The following JAG2 variants were observed in gnomAD, a reference collection of about 807,000 sequenced individuals.
JAG2 encodes the protein jagged canonical Notch ligand 2.
JAG2 carries 46 observed loss-of-function variants against 141.7 expected under a neutral mutation model. The observed-to-expected ratio is 0.32, with a 90% CI of 0.26 to 0.42. JAG2 has a LOEUF of 0.42. Ranked by LOEUF, JAG2 falls within the 10% of genes least tolerant of loss-of-function variation. The pLI, the probability that JAG2 is intolerant of heterozygous loss-of-function variation, is 1.00. For synonymous variants in JAG2, 862 were observed against 763.5 expected, an observed-to-expected ratio of 1.13 and a Z score of -2.13; for missense variants, 1,500 against 1,817.5, an observed-to-expected ratio of 0.83 and a Z score of 3.18.
rs1234767063 is a variant in JAG2 at position 105,149,285 on chromosome 14, C to A, written c.1638G>T (p.Arg546=). The A allele has an allele frequency of 1.2e-6, 2 of 1,612,716 alleles. No individual in the cohort carries two copies. Among genetic ancestry groups the A allele is most frequent in the East Asian group, 4.5e-5 (2 of 44,874 alleles). The stretch of plus-strand genomic sequence containing the variant: ...CCAGGTTATAGCAGCGAGCGCCGTT[C>A]CGGCAGGGGCTTGGCTCACAAAGGT... ...DVDLCEPSPC[R]NGARCYNLEG... Residue 546 remains arginine, a synonymous_variant, in exon 13 of 26, where the codon CGG becomes CGT. Coordinates refer to ENST00000331782, the MANE Select transcript of JAG2 (RefSeq NM_002226.5).
At chr14:105,145,083 G>T in intron 23 of JAG2, 22 bp from the exon 24 acceptor site, 1 of 1,608,700 alleles carries the variant, frequency 6.2e-7, no homozygotes, top group Non-Finnish European at 8.5e-7. Context: ...CAGGCAGTGC[G>T]TGGGCAGGGC....
rs752922211 is a variant in JAG2 at position 105,142,446 on chromosome 14, C to A, written c.*249G>T. 1.6e-4 allele frequency: 81 copies of A among 512,490 alleles called. 1 individual carries two copies. The highest frequency in any genetic ancestry group is 2.2e-4 in the Non-Finnish European group (64 of 287,252). The allele number at this position is 512,490 out of a possible 1,614,324, so 31.7% of individuals were successfully genotyped here. A position where few individuals can be genotyped will look rare whatever the true frequency, so the allele number is the denominator to read the frequency against. On this transcript the variant is annotated 3_prime_UTR_variant, in exon 26 of 26. Transcript: ENST00000331782. The stretch of plus-strand genomic sequence containing the variant: ...CCCTTTGCTCTCTCCTTTCATACAG[C>A]GAGTGCCACGCACGGAAACTTTACA...
chr14:105,160,817 C>T (rs1231176089), intron 2 of JAG2, among the ~76,000 whole-genome samples: 6 of 150,746 alleles, frequency 4.0e-5, no homozygotes, highest in African/African-American at 1.2e-4. Flanking sequence ...GAGCCGAGAT[C>T]GCACCATTGC....
intron 2 of JAG2, among the ~76,000 whole-genome samples, chr14:105,163,757 G>A (rs1427087974): frequency 6.6e-6 from 1 of 151,402 alleles, no homozygotes; most frequent in Non-Finnish European, 1.5e-5. Context: ...CCTGGGACCT[G>A]GGGACAGGGA....
chr14:105,156,148 A>G (rs1888576840), intron 3 of JAG2, among the ~76,000 whole-genome samples, 159 bp from the exon 4 acceptor site: 1 of 152,134 alleles, frequency 6.6e-6, no homozygotes, highest in African/African-American at 2.4e-5. Flanking sequence ...AGGCTGCTAC[A>G]GAAAGCTCAG....
intron 2 of JAG2, among the ~76,000 whole-genome samples, chr14:105,164,795 C>T (rs1367465245): frequency 6.6e-6 from 1 of 152,182 alleles, no homozygotes; most frequent in Non-Finnish European, 1.5e-5. Context: ...GGGAGTCCAG[C>T]AGCCCCATCT....
rs1457790153 is a variant in JAG2, at chr14:105,148,200, T to C, written c.2164A>G (p.Ser722Gly). ...REFQCDAYTC[S>G]NGGTCYDSGD... ...CTGTCGTAGCAGGTGCCACCGTTGC[T>C]GCAGGTGTAGGCATCGCACTGGAAC... is the stretch of plus-strand genomic sequence containing the variant. Residue 722 changes from serine to glycine, a missense_variant, in exon 17 of 26, where the codon AGC becomes GGC. This residue lies in a region of JAG2 where 875 missense variants were observed against 1,202.2 expected (regional missense o/e 0.73). Coordinates refer to ENST00000331782, the MANE Select transcript of JAG2 (RefSeq NM_002226.5). 2.6e-6 allele frequency: 4 copies of C among 1,555,534 alleles called. No homozygotes were observed. In the Admixed American group the frequency reaches 7.8e-5, roughly 30 times the overall value.
At position 105,167,345 on chromosome 14, in the gene JAG2, G is replaced by A. The variant is rs189743856; in HGVS notation, c.417+412C>T. 6.6e-5 allele frequency among the ~76,000 whole-genome samples: 10 copies of A among 152,172 alleles called. No individual in the cohort carries two copies. The highest frequency in any genetic ancestry group is 6.5e-4 in the Admixed American group (10 of 15,306). Reference sequence around the variant, plus strand: ...GAAACTGCAGGGCAGGCGCAGGCTGGCCACGGGCCCGGGGCGGCTCAGTCA... The same window carrying A: ...GAAACTGCAGGGCAGGCGCAGGCTGACCACGGGCCCGGGGCGGCTCAGTCA... On this transcript the variant is annotated intron_variant, in intron 2 of 25. Transcript: ENST00000331782. This position sits in a 1 kb window ranked among gnomAD's most constrained non-coding sequence, Gnocchi z 4.8.
intron 20 of JAG2, 153 bp downstream of exon 20, chr14:105,147,173 A>T: frequency 1.4e-6 from 1 of 695,770 alleles, no homozygotes; most frequent in Non-Finnish European, 2.6e-6. Context: ...CCCACAGGGC[A>T]CAGACATGTG....
intron 4 of JAG2, 29 bp downstream of exon 4, chr14:105,155,709 C>T (rs755605030): frequency 4.3e-6 from 7 of 1,612,426 alleles, no homozygotes; most frequent in Non-Finnish European, 5.9e-6. Flanking sequence ...GCCCTCCCTG[C>T]CCTCCACGCA....
intron 1 of JAG2, 100 bp from the exon 2 acceptor site, chr14:105,168,207 C>A: frequency 9.7e-7 from 1 of 1,031,248 alleles, no homozygotes; most frequent in East Asian, 4.5e-5. Flanking sequence ...CCGCCCCCAC[C>A]CAGCCGCGCC....
At chr14:105,161,014 T>C (rs942592382) in intron 2 of JAG2, among the ~76,000 whole-genome samples, 2 of 152,156 alleles carry the variant, frequency 1.3e-5, no homozygotes, top group Non-Finnish European at 2.9e-5. Flanking sequence ...AGTGGGGTCA[T>C]ACCACAGATC....
At chr14:105,146,139 G>A (rs1467025834) in intron 22 of JAG2, among the ~76,000 whole-genome samples, 166 bp from the exon 23 acceptor site, 1 of 152,166 alleles carries the variant, frequency 6.6e-6, no homozygotes, top group African/African-American at 2.4e-5. Flanking sequence ...GGCTCCCAGG[G>A]AGGCAGGCCA....
At position 105,143,471 on chromosome 14, in the gene JAG2, C is replaced by T. The variant is rs1014710153; in HGVS notation, c.3241+11G>A. The T allele has an allele frequency of 5.2e-6, 8 of 1,545,588 alleles. No individual in the cohort carries two copies. The highest frequency in any genetic ancestry group is 6.1e-6 in the Non-Finnish European group (7 of 1,147,706). Reference sequence around the variant, plus strand: ...CTGGTGCCTTCCCAGGGGCCCACCTCCCGCGCTTACCTGTGGAAGAGCCGC... The same window carrying T: ...CTGGTGCCTTCCCAGGGGCCCACCTTCCGCGCTTACCTGTGGAAGAGCCGC... On this transcript the variant is annotated intron_variant, in intron 25 of 25. Coordinates refer to ENST00000331782, the MANE Select transcript of JAG2 (RefSeq NM_002226.5).
At chr14:105,166,916 C>T (rs1043429231) in intron 2 of JAG2, among the ~76,000 whole-genome samples, 1 of 152,174 alleles carries the variant, frequency 6.6e-6, no homozygotes, top group Non-Finnish European at 1.5e-5. Flanking sequence ...GGCACCAGGG[C>T]AAGGCCGTGC....
chr14:105,151,076 G>A lies in JAG2; in HGVS notation c.1296C>T (p.Cys432=). 1 of 1,613,016 alleles carries A rather than the reference G, an allele frequency of 6.2e-7. No individual in the cohort carries two copies. The highest frequency in any genetic ancestry group is 2.2e-5 in the East Asian group (1 of 44,864). ...GGTTTTTGCAAGAAAAAGCGTTAAGGCATGGCTTCCCTTCACACTCATTGG... is the reference window on the plus strand; with the variant it reads ...GGTTTTTGCAAGAAAAAGCGTTAAGACATGGCTTCCCTTCACACTCATTGG... ...LDANECEGKP[C]LNAFSCKNLI... Residue 432 remains cysteine, a synonymous_variant, in exon 10 of 26, where the codon TGC becomes TGT. Transcript: ENST00000331782.
chr14:105,141,424 A>G lies in JAG2; in HGVS notation c.*1271T>C, dbSNP rs1430933251. 4 of 152,224 alleles carry G rather than the reference A, an allele frequency of 2.6e-5. No individual in the cohort carries two copies. The highest frequency in any genetic ancestry group is 6.5e-5 in the Admixed American group (1 of 15,288). The allele number at this position is 152,224 out of a possible 1,614,324, so 9.4% of individuals were successfully genotyped here. A position where few individuals can be genotyped will look rare whatever the true frequency, so the allele number is the denominator to read the frequency against. ...CTTGATACGTATTCGTGGGTAAGCAATTTTATACTATTTTATAAAACTGTT... is the reference window on the plus strand; with the variant it reads ...CTTGATACGTATTCGTGGGTAAGCAGTTTTATACTATTTTATAAAACTGTT... On this transcript the variant is annotated 3_prime_UTR_variant, in exon 26 of 26. Coordinates refer to ENST00000331782, the MANE Select transcript of JAG2 (RefSeq NM_002226.5).
At chr14:105,168,137 G>C in intron 1 of JAG2, 30 bp from the exon 2 acceptor site, 1 of 1,479,254 alleles carries the variant, frequency 6.8e-7, no homozygotes. Flanking sequence ...AGAGCGGAGG[G>C]AGGCGCGGGC....
At chr14:105,160,263 T>G (rs1170823835) in intron 2 of JAG2, among the ~76,000 whole-genome samples, 1 of 48,206 alleles carries the variant, frequency 2.1e-5, no homozygotes, top group East Asian at 5.3e-4. Flanking sequence ...CCACGCCCTC[T>G]CAGCTCAGAG....
Sources: gnomAD v4.1 joint callset for allele counts (sites outside exome capture counted in the v4.1 genomes callset) on GRCh38, gnomAD v4.1.1 for gene constraint, gnomAD v4.1.1 regional missense constraint, Gnocchi (gnomAD v3.1) non-coding constraint, MANE v1.5 for transcripts, NCBI Gene and HGNC (gene_info 2026-07-23, HGNC 2026-07-21) for gene names.